LYRM9: variants seen among roughly 807,000 people sequenced by gnomAD.
LYRM9 encodes LYR motif containing 9, also known as LYR motif-containing protein 9.
In LYRM9, 14 loss-of-function variants were observed where a neutral mutation model predicts 12.6. That is an observed-to-expected ratio of 1.11 (90% confidence interval 0.73 to 1.73). The LOEUF is 1.73. Ranked by LOEUF, LYRM9 falls within the 40% of genes most tolerant of loss-of-function variation. The pLI is 0.00. For synonymous variants in LYRM9, 42 were observed against 35.1 expected, an observed-to-expected ratio of 1.20 and a Z score of -0.69; for missense variants, 94 against 95.0, an observed-to-expected ratio of 0.99 and a Z score of 0.04.
intron 1 of LYRM9, among the ~76,000 whole-genome samples, chr17:27,887,716 GTGTGTGTGTGTGTGTGTGTGT>G (rs1905280301): frequency 5.1e-4 from 59 of 115,800 alleles, no homozygotes; most frequent in African/African-American, 2.6e-3. Context: ...GAGGGAGGGT[GTGTGTGTGTGTGTGTGTGTGT>G]GTGTGTGTGT....
rs1905248334 is a variant in LYRM9 at position 27,886,847 on chromosome 17, T to A, written c.-18-4135A>T. Among the ~76,000 whole-genome samples the A allele has an allele frequency of 6.6e-6, 1 of 151,952 alleles. No individual in the cohort carries two copies. The highest frequency in any genetic ancestry group is 2.4e-5 in the African/African-American group (1 of 41,328). ...TTTTAGTAGAGATGGGGTTTCTCCCTGTTGGTCAGGCTGGTCTCAAACTCC... is the reference window on the plus strand; with the variant it reads ...TTTTAGTAGAGATGGGGTTTCTCCCAGTTGGTCAGGCTGGTCTCAAACTCC... On this transcript the variant is annotated intron_variant, in intron 1 of 3. Coordinates refer to ENST00000379102, the MANE Select transcript of LYRM9 (RefSeq NM_001076680.3). This position sits in a 1 kb window ranked among gnomAD's most constrained non-coding sequence, Gnocchi z 4.8.
At chr17:27,892,209 C>T (rs1463385214) in intron 1 of LYRM9, 1 of 284,802 alleles carries the variant, frequency 3.5e-6, no homozygotes, top group Non-Finnish European at 6.9e-6. Flanking sequence ...AGATTATGGG[C>T]ATGAGCCACT....
chr17:27,879,581 C>T, intron 3 of LYRM9, 91 bp from the exon 4 acceptor site: 1 of 1,410,096 alleles, frequency 7.1e-7, no homozygotes, highest in South Asian at 1.3e-5. Flanking sequence ...ATCTGGACCT[C>T]ACCTGCCTCC....
rs1228418384 is a variant in LYRM9, at chr17:27,878,602, T to A, written c.*871A>T. The A allele has an allele frequency of 6.6e-6, 1 of 152,112 alleles. No homozygotes were observed. The highest frequency in any genetic ancestry group is 2.1e-4 in the South Asian group (1 of 4,818). The allele number at this position is 152,112 out of a possible 1,614,324, so 9.4% of individuals were successfully genotyped here. On this transcript the variant is annotated 3_prime_UTR_variant, in exon 4 of 4. Coordinates refer to ENST00000379102, the MANE Select transcript of LYRM9 (RefSeq NM_001076680.3). ...CCTCCCTTCCATTCTTCCACGATGG[T>A]AGCAAAGCAGGGAAGTGCCAGTGGA...
At chr17:27,880,544 T>C (rs1905016010) in intron 2 of LYRM9, 178 bp from the exon 3 acceptor site, 2 of 603,982 alleles carry the variant, frequency 3.3e-6, no homozygotes, top group Non-Finnish European at 5.9e-6. Flanking sequence ...GCTCACTTGC[T>C]GCTGAACAAT....
intron 1 of LYRM9, among the ~76,000 whole-genome samples, chr17:27,890,846 G>C (rs1177243507): frequency 6.6e-6 from 1 of 152,076 alleles, no homozygotes; most frequent in Non-Finnish European, 1.5e-5. Flanking sequence ...GAGTGGTTTT[G>C]CTTCCCACCC....
chr17:27,882,630 C>T lies in LYRM9; in HGVS notation c.65G>A (p.Arg22His), dbSNP rs1223621517. ...CTTGGTCGGCAGCTGCTGGCAACAG[C>T]GCAGCAAGTATCGGTAGAGCTGCAG... ...RPLQLYRYLL[R>H]CCQQLPTKGI... The change falls in exon 2 of 4, where the codon CGC becomes CAC. Residue 22 changes from arginine (R) to histidine (H), a missense_variant. Coordinates refer to ENST00000379102, the MANE Select transcript of LYRM9 (RefSeq NM_001076680.3). 5 of 1,600,696 alleles carry T rather than the reference C, an allele frequency of 3.1e-6. No individual in the cohort carries two copies. Among genetic ancestry groups the T allele is most frequent in the South Asian group, 1.1e-5 (1 of 88,386 alleles).
intron 1 of LYRM9, among the ~76,000 whole-genome samples, chr17:27,889,055 A>C (rs1016361572): frequency 2.6e-5 from 4 of 152,076 alleles, no homozygotes; most frequent in African/African-American, 9.7e-5. Flanking sequence ...TCGCCTCTCA[A>C]AGTGTCTCTG....
At chr17:27,880,195 G>C (rs1265847860) in intron 3 of LYRM9, 79 bp downstream of exon 3, 1 of 1,085,026 alleles carries the variant, frequency 9.2e-7, no homozygotes, top group African/African-American at 1.6e-5. Context: ...TGTGGGGCAG[G>C]AGTGGCCTCT....
At position 27,882,647 on chromosome 17, in the gene LYRM9, G is replaced by C; in HGVS notation, c.48C>G (p.Leu16=). ...GAELVRRPLQ[L]YRYLLRCCQQ... ...GGCAACAGCGCAGCAAGTATCGGTA[G>C]AGCTGCAGTGGCCTCCGAACCAGTT... Residue 16 remains leucine, a synonymous_variant, in exon 2 of 4, where the codon CTC becomes CTG. Coordinates refer to ENST00000379102, the MANE Select transcript of LYRM9 (RefSeq NM_001076680.3). 6.2e-7 allele frequency: 1 copy of C among 1,603,144 alleles called. No individual in the cohort carries two copies. Among genetic ancestry groups the C allele is most frequent in the South Asian group, 1.1e-5 (1 of 88,740 alleles).
intron 1 of LYRM9, among the ~76,000 whole-genome samples, chr17:27,884,835 A>AT (rs1905182547): frequency 6.6e-6 from 1 of 151,634 alleles, no homozygotes; most frequent in Admixed American, 6.6e-5. Context: ...ATAAGAAAAA[A>AT]AAAAAAACCC....
At chr17:27,879,724 T>C in intron 3 of LYRM9, 8 of 553,632 alleles carry the variant, frequency 1.4e-5, no homozygotes, top group Non-Finnish European at 1.9e-5. Flanking sequence ...AGGATAGTGA[T>C]AACTCACTCT....
At position 27,879,443 on chromosome 17, in the gene LYRM9, A is replaced by G; in HGVS notation, c.*30T>C. The G allele has an allele frequency of 1.9e-6, 3 of 1,548,416 alleles. No individual in the cohort carries two copies. Among genetic ancestry groups the G allele is most frequent in the Non-Finnish European group, 2.6e-6 (3 of 1,145,902 alleles). On this transcript the variant is annotated 3_prime_UTR_variant, in exon 4 of 4. Coordinates refer to ENST00000379102, the MANE Select transcript of LYRM9 (RefSeq NM_001076680.3). The stretch of plus-strand genomic sequence containing the variant: ...CCAGAAGAGGGGCCTCTCAACTTCC[A>G]GAGGCCAGGAAGGCTCACCCTCGGA...
chr17:27,880,095 T>A (rs572283356), intron 3 of LYRM9, 179 bp downstream of exon 3: 2 of 706,660 alleles, frequency 2.8e-6, no homozygotes, highest in African/African-American at 1.8e-5. Context: ...AGAATATAAA[T>A]GCAACCAGAA....
chr17:27,885,944 C>T (rs1206116372), intron 1 of LYRM9, among the ~76,000 whole-genome samples: 4 of 152,002 alleles, frequency 2.6e-5, no homozygotes, highest in Non-Finnish European at 5.9e-5. Context: ...CAGGACAGGG[C>T]TTCTCAAGTT....
At chr17:27,883,645 A>C (rs1253213146) in intron 1 of LYRM9, among the ~76,000 whole-genome samples, 2 of 149,872 alleles carry the variant, frequency 1.3e-5, no homozygotes, top group Non-Finnish European at 3.0e-5. Flanking sequence ...GCAAGACTCC[A>C]ACTCAAAAAA....
In LYRM9 at chr17:27,879,376, C is replaced by A; in HGVS notation, c.*97G>T. The A allele has an allele frequency of 7.3e-7, 1 of 1,376,548 alleles. No homozygotes were observed. The highest frequency in any genetic ancestry group is 1.4e-5 in the South Asian group (1 of 71,120). The allele number at this position is 1,376,548 out of a possible 1,614,324, so 85.3% of individuals were successfully genotyped here. On this transcript the variant is annotated 3_prime_UTR_variant, in exon 4 of 4. Transcript: ENST00000379102. ...CCCCTGATTTCTGGCTTTCAGCCAA[C>A]AAGGCCAATGGCTCTTCCAAACCAG... is the stretch of plus-strand genomic sequence containing the variant.
chr17:27,889,358 A>G (rs1238624642), intron 1 of LYRM9, among the ~76,000 whole-genome samples: 1 of 147,732 alleles, frequency 6.8e-6, no homozygotes, highest in East Asian at 2.0e-4. Context: ...CCCAGGCTGT[A>G]GTGCAATGGC....
chr17:27,880,143 A>G (rs1302945022), intron 3 of LYRM9, 131 bp downstream of exon 3: 1 of 745,132 alleles, frequency 1.3e-6, no homozygotes, highest in South Asian at 1.5e-5. Flanking sequence ...GGAGGAGGGA[A>G]GCAGCTGGCT....
Sources: allele counts gnomAD v4.1 joint callset (sites outside exome capture counted in the v4.1 genomes callset), GRCh38; gene constraint gnomAD v4.1.1; non-coding constraint Gnocchi (gnomAD v3.1); transcripts MANE v1.5; gene names NCBI Gene and HGNC (gene_info 2026-07-23, HGNC 2026-07-21).